Variants in COL14A1 observed in about 807,000 individuals in gnomAD.
The protein encoded by COL14A1 is collagen alpha-1(XIV) chain.
A neutral mutation model predicts 230.3 loss-of-function variants in COL14A1; 136 were observed. The observed-to-expected ratio is 0.59, with a 90% CI of 0.51 to 0.68. The LOEUF is 0.68. Ranked by LOEUF, COL14A1 falls within the 30% of genes least tolerant of loss-of-function variation. The pLI, the probability that COL14A1 is intolerant of heterozygous loss-of-function variation, is 0.00. For synonymous variants in COL14A1, 792 were observed against 784.1 expected, an observed-to-expected ratio of 1.01 and a Z score of -0.17; for missense variants, 1,976 against 2,215.8, an observed-to-expected ratio of 0.89 and a Z score of 2.17.
intron 8 of COL14A1, 40 bp from the exon 9 acceptor site, chr8:120,203,669 G>A (rs745699904): frequency 1.4e-5 from 22 of 1,604,926 alleles, no homozygotes; most frequent in Admixed American, 3.4e-5. Context: ...TTCCAAGGGG[G>A]CATAAAAGTC....
intron 14 of COL14A1, among the ~76,000 whole-genome samples, chr8:120,221,399 C>T (rs1031737337): frequency 1.3e-5 from 2 of 152,030 alleles, no homozygotes; most frequent in South Asian, 2.1e-4. Context: ...TGGGACTAAT[C>T]GTTTAAAACA....
chr8:120,293,048 C>G (rs1820421385), intron 34 of COL14A1, among the ~76,000 whole-genome samples: 1 of 152,024 alleles, frequency 6.6e-6, no homozygotes, highest in Non-Finnish European at 1.5e-5. Context: ...TTCTCCTTTC[C>G]AAACTTTTTT....
chr8:120,190,219 A>C (rs1209835599), intron 5 of COL14A1, among the ~76,000 whole-genome samples: 2 of 151,952 alleles, frequency 1.3e-5, no homozygotes, highest in Admixed American at 1.3e-4. Flanking sequence ...TTTGATATGC[A>C]TTTCTCTGAT....
At chr8:120,199,283 T>C in intron 7 of COL14A1, 119 bp from the exon 8 acceptor site, 2 of 835,044 alleles carry the variant, frequency 2.4e-6, no homozygotes, top group Non-Finnish European at 3.4e-6. Flanking sequence ...AAATGAAGAT[T>C]TGCATGTAAT....
At chr8:120,235,324 C>T (rs1260360987) in intron 19 of COL14A1, among the ~76,000 whole-genome samples, 1 of 152,068 alleles carries the variant, frequency 6.6e-6, no homozygotes, top group Non-Finnish European at 1.5e-5. Context: ...CACCTCCCAC[C>T]ATGCCCGGCT....
At chr8:120,347,448 AT>A (rs1822558389) in intron 45 of COL14A1, among the ~76,000 whole-genome samples, 1 of 152,158 alleles carries the variant, frequency 6.6e-6, no homozygotes, top group South Asian at 2.1e-4. Flanking sequence ...GAAGGGTGTG[AT>A]TTTGCGATGA....
chr8:120,172,286 G>A (rs1816119675), intron 5 of COL14A1, among the ~76,000 whole-genome samples: 1 of 152,050 alleles, frequency 6.6e-6, no homozygotes, highest in South Asian at 2.1e-4. Context: ...GAGTAGCTGG[G>A]ATTATAGGTA....
At chr8:120,234,226 G>A (rs1818369356) in intron 19 of COL14A1, among the ~76,000 whole-genome samples, 1 of 152,168 alleles carries the variant, frequency 6.6e-6, no homozygotes, top group Non-Finnish European at 1.5e-5. Context: ...AGATGATGGG[G>A]TTTTCTAAAT....
At chr8:120,354,870 C>T (rs1202765502) in intron 45 of COL14A1, among the ~76,000 whole-genome samples, 1 of 152,186 alleles carries the variant, frequency 6.6e-6, no homozygotes, top group East Asian at 1.9e-4. Flanking sequence ...CGATTTCTCA[C>T]CTGCTTTTCC....
chr8:120,125,922 A>C (rs1398257951), intron 1 of COL14A1, among the ~76,000 whole-genome samples: 2 of 152,154 alleles, frequency 1.3e-5, no homozygotes, highest in Non-Finnish European at 2.9e-5. Context: ...ACAGCTAGGT[A>C]GAGCTCGATG....
At chr8:120,323,478 T>A (rs557910862) in intron 40 of COL14A1, among the ~76,000 whole-genome samples, 40 of 152,338 alleles carry the variant, frequency 2.6e-4, no homozygotes, top group Non-Finnish European at 5.1e-4. Flanking sequence ...ATCTTTGTCA[T>A]GAAATCTTTG....
Position 120,270,165 on chromosome 8 carries a change from T to G in COL14A1, c.3204T>G (p.Asp1068Glu). ...TVGALNKIGT[D>E]GTQVAMVQFT... ...GAGCCCTGAACAAGATTGGCACAGA[T>G]GGAACCCAAGTAAGGCTAATAAATA... Residue 1068 changes from aspartate (D) to glutamate (E), a missense_variant, in exon 26 of 48, where the codon GAT becomes GAG. Physicochemically the swap from Asp to Glu is conservative, Grantham distance 45. Around this residue, in one of 3 missense-constraint regions of COL14A1, gnomAD observed 1,791 missense variants for 2,019.5 expected, o/e 0.89. Coordinates refer to ENST00000297848, the MANE Select transcript of COL14A1 (RefSeq NM_021110.4). 6.2e-7 allele frequency: 1 copy of G among 1,610,374 alleles called. No individual in the cohort carries two copies. Among genetic ancestry groups the G allele is most frequent in the Non-Finnish European group, 8.5e-7 (1 of 1,177,832 alleles).
In COL14A1 at chr8:120,280,935, G is replaced by A. The variant is rs1442576303; in HGVS notation, c.3700G>A (p.Glu1234Lys). 2.5e-6 allele frequency: 4 copies of A among 1,596,412 alleles called. No homozygotes were observed. The highest frequency in any genetic ancestry group is 2.6e-6 in the Non-Finnish European group (3 of 1,172,148). ...TTTTTTTTTAGGATTTAAGATGATG[G>A]AAATGTTTGGTTTGGTTGAAAAAGA... ...GIDLAGFKMM[E>K]MFGLVEKDFS... Residue 1234 changes from glutamate (E) to lysine (K), a missense_variant, in exon 31 of 48, where the codon GAA (glutamate) becomes AAA (lysine). Coordinates refer to ENST00000297848, the MANE Select transcript of COL14A1 (RefSeq NM_021110.4).
chr8:120,199,164 T>C (rs1586759077), intron 7 of COL14A1, among the ~76,000 whole-genome samples: 1 of 152,210 alleles, frequency 6.6e-6, no homozygotes, highest in East Asian at 1.9e-4. Flanking sequence ...TTCAGTGTTC[T>C]TTATAAATGC....
chr8:120,288,369 A>G (rs1345535925), intron 33 of COL14A1, among the ~76,000 whole-genome samples: 4 of 152,164 alleles, frequency 2.6e-5, no homozygotes, highest in Non-Finnish European at 5.9e-5. Context: ...AAAACATGAA[A>G]TAACAATTGG....
chr8:120,306,026 T>C (rs1820849333), intron 36 of COL14A1, among the ~76,000 whole-genome samples: 1 of 152,190 alleles, frequency 6.6e-6, no homozygotes, highest in Non-Finnish European at 1.5e-5. Context: ...TTAGATGTCT[T>C]GATTATTATT....
At chr8:120,197,789 G>A (rs1027373187) in intron 6 of COL14A1, 22 bp from the exon 7 acceptor site, 55 of 1,590,800 alleles carry the variant, frequency 3.5e-5, no homozygotes, top group Admixed American at 1.0e-4. Flanking sequence ...TTCCTGGTGC[G>A]TTTCCTAATC....
rs1302600124 is a variant in COL14A1, at chr8:120,281,027, C to T, written c.3792C>T (p.Leu1264=). 1 of 1,610,924 alleles carries T rather than the reference C, an allele frequency of 6.2e-7. No homozygotes were observed. Among genetic ancestry groups the T allele is most frequent in the South Asian group, 1.1e-5 (1 of 90,510 alleles). ...TCAATGTGTTTCCATGTTACCAACT[C>T]CATAAAGATGCCCTGGTTTCCCAGC... is the stretch of plus-strand genomic sequence containing the variant. ...GTFNVFPCYQ[L]HKDALVSQPT... The change falls in exon 31 of 48, where the codon CTC becomes CTT. Residue 1264 remains leucine (L), a synonymous_variant. Transcript: ENST00000297848.
intron 1 of COL14A1, among the ~76,000 whole-genome samples, chr8:120,138,720 A>T: frequency 6.6e-6 from 1 of 152,124 alleles, no homozygotes; most frequent in African/African-American, 2.4e-5. Flanking sequence ...AAATCCTTTT[A>T]TGATTCTGGA....
Sources: gnomAD v4.1 joint callset for allele counts (sites outside exome capture counted in the v4.1 genomes callset) on GRCh38, gnomAD v4.1.1 for gene constraint, gnomAD v4.1.1 regional missense constraint, MANE v1.5 for transcripts, NCBI Gene and HGNC (gene_info 2026-07-23, HGNC 2026-07-21) for gene names.